The following CUX1 variants were observed in gnomAD, a reference collection of about 807,000 sequenced individuals.
The protein encoded by CUX1 is cut like homeobox 1, also known as protein CASP.
A neutral mutation model predicts 158.8 loss-of-function variants in CUX1; 31 were observed. The observed-to-expected ratio is 0.20, with a 90% CI of 0.15 to 0.26. The LOEUF (loss-of-function observed/expected upper bound fraction) is 0.26. Ranked by LOEUF, CUX1 falls within the 10% of genes least tolerant of loss-of-function variation. The pLI is 1.00. For missense variants in CUX1, 1,589 were observed against 2,014.6 expected, an observed-to-expected ratio of 0.79 and a Z score of 4.04; for synonymous variants, 879 against 862.1, an observed-to-expected ratio of 1.02 and a Z score of -0.34.
At chr7:102,112,683 A>G (rs1482614833) in intron 7 of CUX1, among the ~76,000 whole-genome samples, 1 of 149,104 alleles carries the variant, frequency 6.7e-6, no homozygotes, top group Non-Finnish European at 1.5e-5. Flanking sequence ...CAATCCTCCC[A>G]CCTCAGCCTC....
At position 101,849,552 on chromosome 7, in the gene CUX1, C is replaced by T. The variant is rs118182753; in HGVS notation, c.30+31883C>T. On this transcript the variant is annotated intron_variant, in intron 1 of 23. Coordinates refer to ENST00000292535, the MANE Select transcript of CUX1 (RefSeq NM_181552.4). ...TGCATAGTATTCTGTGGTGTGTATG[C>T]GCCATGTTTTCTTTATCCAGTCCAT... 4.4e-3 allele frequency among the ~76,000 whole-genome samples: 665 copies of T among 152,198 alleles called. 3 individuals carry two copies. Among genetic ancestry groups the T allele is most frequent in the Non-Finnish European group, 5.9e-3 (398 of 68,012 alleles).
rs1554540604 is a variant in CUX1 at position 102,252,726 on chromosome 7, C to T, written c.*3684C>T. Reference sequence around the variant, plus strand: ...TTCCACCCCAGAGGAGTCTTCTGTCCTCCTCCCCAACCCCCGAGCTCCCTG... The same window carrying T: ...TTCCACCCCAGAGGAGTCTTCTGTCTTCCTCCCCAACCCCCGAGCTCCCTG... On this transcript the variant is annotated 3_prime_UTR_variant, in exon 24 of 24. Transcript: ENST00000292535. The T allele has an allele frequency of 2.0e-6, 2 of 985,380 alleles. No individual in the cohort carries two copies. The highest frequency in any genetic ancestry group is 1.7e-5 in the African/African-American group (1 of 57,226). The allele number at this position is 985,380 out of a possible 1,614,324, so 61.0% of individuals were successfully genotyped here. A position where few individuals can be genotyped will look rare whatever the true frequency, so the allele number is the denominator to read the frequency against.
chr7:102,064,754 C>G (rs978630677), intron 3 of CUX1, among the ~76,000 whole-genome samples: 24 of 152,120 alleles, frequency 1.6e-4, no homozygotes, highest in Admixed American at 6.5e-5. Context: ...AGGTCAGTGA[C>G]TCGTCCAGGC....
At chr7:102,001,042 G>C (rs1816625585) in intron 2 of CUX1, among the ~76,000 whole-genome samples, 1 of 152,010 alleles carries the variant, frequency 6.6e-6, no homozygotes, top group Admixed American at 6.5e-5. Context: ...GCCTCCCAAA[G>C]CATTGGGATT....
intron 2 of CUX1, among the ~76,000 whole-genome samples, chr7:102,004,880 A>G (rs192005961): frequency 2.0e-4 from 30 of 152,346 alleles, no homozygotes; most frequent in African/African-American, 6.7e-4. Context: ...GTCTTGACGG[A>G]GAAAGAGGCA....
At chr7:102,195,650 AG>A in intron 14 of CUX1, 47 bp downstream of exon 14, 2 of 1,529,154 alleles carry the variant, frequency 1.3e-6, no homozygotes, top group East Asian at 2.4e-5. Context: ...GTTCGCTTCC[AG>A]GGGTCGGTCG....
At position 102,006,215 on chromosome 7, in the gene CUX1, T is replaced by C. The variant is rs573589234; in HGVS notation, c.142-21883T>C. Among the ~76,000 whole-genome samples, 4 of 152,202 alleles carry C rather than the reference T, an allele frequency of 2.6e-5. No homozygotes were observed. In the South Asian group the frequency reaches 8.3e-4, roughly 32 times the overall value. On this transcript the variant is annotated intron_variant, in intron 2 of 23. Coordinates refer to ENST00000292535, the MANE Select transcript of CUX1 (RefSeq NM_181552.4). ...GTCCACTGGCTCGGAAGTCGGTCTC[T>C]TTCAGTTTGGAGCCTCCAGTTGGAA... is the stretch of plus-strand genomic sequence containing the variant.
rs1822337381 is a variant in CUX1, at chr7:102,043,323, C to CTGTA, written c.189+15181_189+15182insATGT. Among the ~76,000 whole-genome samples the CTGTA allele has an allele frequency of 4.3e-5, 6 of 139,068 alleles. No individual in the cohort carries two copies. The South Asian group carries it at 1.5e-3, about 36-fold the overall frequency. 91.2% of individuals were successfully genotyped at this position (139,068 alleles called of 152,430 possible). ...ATCTGACAACATACCCATTAGCTCA[C>CTGTA]TGTGTGTGTGTGTGTGTGTGTGTGT... On this transcript the variant is annotated intron_variant, in intron 3 of 23. Transcript: ENST00000292535.
chr7:102,109,784 A>G (rs1830698454), intron 6 of CUX1, among the ~76,000 whole-genome samples: 1 of 139,926 alleles, frequency 7.1e-6, no homozygotes, highest in African/African-American at 2.8e-5. Flanking sequence ...CCCTGTCTCC[A>G]AAAAAAAAAA....
chr7:101,875,296 T>C (rs2131501544), intron 1 of CUX1, among the ~76,000 whole-genome samples: 2 of 152,286 alleles, frequency 1.3e-5, no homozygotes, highest in South Asian at 4.1e-4. Flanking sequence ...ATGTTTTTTG[T>C]TGTTTTTAGA....
chr7:102,025,269 G>C (rs1819853607), intron 2 of CUX1, among the ~76,000 whole-genome samples: 1 of 152,212 alleles, frequency 6.6e-6, no homozygotes, highest in Non-Finnish European at 1.5e-5. Flanking sequence ...CGCCAGCTAT[G>C]AGGACGTGGT....
chr7:102,030,012 T>C (rs985055729), intron 3 of CUX1, among the ~76,000 whole-genome samples: 1 of 151,940 alleles, frequency 6.6e-6, no homozygotes, highest in African/African-American at 2.4e-5. Context: ...AATACCTGTA[T>C]GCTTTTTTTT....
intron 1 of CUX1, among the ~76,000 whole-genome samples, chr7:101,887,640 G>T (rs1007747745): frequency 2.0e-5 from 3 of 151,924 alleles, no homozygotes; most frequent in Non-Finnish European, 4.4e-5. Flanking sequence ...GGAGGATAAG[G>T]GCTCCCCATG....
At position 102,253,099 on chromosome 7, in the gene CUX1, C is replaced by T; in HGVS notation, c.*4057C>T. The T allele has an allele frequency of 2.0e-6, 2 of 985,482 alleles. No individual in the cohort carries two copies. The highest frequency in any genetic ancestry group is 1.2e-6 in the Non-Finnish European group (1 of 829,960). The allele number at this position is 985,482 out of a possible 1,614,324, so 61.0% of individuals were successfully genotyped here. A position where few individuals can be genotyped will look rare whatever the true frequency, so the allele number is the denominator to read the frequency against. On this transcript the variant is annotated 3_prime_UTR_variant, in exon 24 of 24. Transcript: ENST00000292535. ...CCTTGTACCTCCAAAGTACAAATAC[C>T]TCCCTGCTCAGTTTCCTTCCTGTCG...
At chr7:102,124,793 T>C (rs1466579710) in intron 8 of CUX1, among the ~76,000 whole-genome samples, 4 of 152,022 alleles carry the variant, frequency 2.6e-5, no homozygotes, top group African/African-American at 7.2e-5. Context: ...TTTTTTTTTT[T>C]TTTTTGAGAC....
Position 102,250,689 on chromosome 7 carries a change from G to A in CUX1, c.*1647G>A. 1.0e-6 allele frequency: 1 copy of A among 985,324 alleles called. No homozygotes were observed. The highest frequency in any genetic ancestry group is 1.2e-6 in the Non-Finnish European group (1 of 829,914). The allele number at this position is 985,324 out of a possible 1,614,324, so 61.0% of individuals were successfully genotyped here. A position where few individuals can be genotyped will look rare whatever the true frequency, so the allele number is the denominator to read the frequency against. On this transcript the variant is annotated 3_prime_UTR_variant, in exon 24 of 24. Coordinates refer to ENST00000292535, the MANE Select transcript of CUX1 (RefSeq NM_181552.4). ...TTAGTTCTTTTTATGCACAGTTTTA[G>A]GGCAGTCTAAGTACAAACTGAAAGT...
intron 2 of CUX1, among the ~76,000 whole-genome samples, chr7:102,013,253 C>T (rs924818367): frequency 2.0e-5 from 3 of 151,976 alleles, no homozygotes; most frequent in Non-Finnish European, 2.9e-5. Context: ...CAAAAATCGC[C>T]GAAGCTAATG....
At chr7:101,976,320 G>C (rs971411910) in intron 2 of CUX1, among the ~76,000 whole-genome samples, 1 of 152,168 alleles carries the variant, frequency 6.6e-6, no homozygotes. Flanking sequence ...GGGTATTGTA[G>C]TGTAAGGGAT....
chr7:102,251,173 A>G lies in CUX1; in HGVS notation c.*2131A>G, dbSNP rs782197271. ...TCATTGAAACCTTTGTCTTAGGTCA[A>G]CATCTTTGGATGACATTTTAATGGT... On this transcript the variant is annotated 3_prime_UTR_variant, in exon 24 of 24. Transcript: ENST00000292535. The G allele has an allele frequency of 1.6e-5, 16 of 983,996 alleles. No homozygotes were observed. Among genetic ancestry groups the G allele is most frequent in the African/African-American group, 5.3e-5 (3 of 57,040 alleles). 61.0% of individuals were successfully genotyped at this position (983,996 alleles called of 1,614,324 possible). A position where few individuals can be genotyped will look rare whatever the true frequency, so the allele number is the denominator to read the frequency against.
Sources: allele counts gnomAD v4.1 joint callset (sites outside exome capture counted in the v4.1 genomes callset), GRCh38; gene constraint gnomAD v4.1.1; transcripts MANE v1.5; gene names NCBI Gene and HGNC (gene_info 2026-07-23, HGNC 2026-07-21).